Variants in COG5 observed in about 807,000 individuals in gnomAD.
COG5 encodes component of oligomeric golgi complex 5, also known as conserved oligomeric Golgi complex subunit 5.
A neutral mutation model predicts 110.4 loss-of-function variants in COG5; 86 were observed. The observed-to-expected ratio is 0.78, with a 90% CI of 0.65 to 0.93. The LOEUF (loss-of-function observed/expected upper bound fraction) is 0.93, where lower values mean the gene tolerates loss of function less well. Ranked by LOEUF, COG5 falls within the 40% of genes least tolerant of loss-of-function variation. The probability of loss-of-function intolerance (pLI) is 0.00; values close to 1 mark genes in which losing one functional copy is unlikely to be tolerated. For missense variants in COG5, 1,077 were observed against 987.0 expected, an observed-to-expected ratio of 1.09 and a Z score of -1.22; for synonymous variants, 360 against 334.6, an observed-to-expected ratio of 1.08 and a Z score of -0.83.
intron 14 of COG5, among the ~76,000 whole-genome samples, chr7:107,274,320 A>C (rs1199259565): frequency 1.3e-5 from 2 of 152,192 alleles, no homozygotes. Flanking sequence ...TTAAAAATTA[A>C]AATTAAAAAA....
intron 8 of COG5, among the ~76,000 whole-genome samples, chr7:107,366,705 G>A (rs1486952340): frequency 1.3e-5 from 2 of 152,032 alleles, no homozygotes; most frequent in African/African-American, 4.8e-5. Context: ...AACGTCTGAT[G>A]GTAGATGGGA....
intron 16 of COG5, among the ~76,000 whole-genome samples, chr7:107,251,425 A>G (rs904893842): frequency 9.2e-5 from 14 of 152,144 alleles, no homozygotes; most frequent in African/African-American, 3.4e-4. Context: ...ATCATTAAAA[A>G]TCATCATTTG....
rs556409569 is a variant in COG5 at position 107,283,258 on chromosome 7, T to C, written c.1475+313A>G. Among the ~76,000 whole-genome samples the C allele has an allele frequency of 2.6e-5, 4 of 152,334 alleles. No individual in the cohort carries two copies. The East Asian group carries it at 5.8e-4, about 22-fold the overall frequency. On this transcript the variant is annotated intron_variant, in intron 13 of 21. Transcript: ENST00000297135. ...TTTCTCAATTTATAAAATCGTTTAT[T>C]ATATTTGATTTCTTGTGTAACGTAA...
intron 10 of COG5, among the ~76,000 whole-genome samples, chr7:107,349,533 T>C (rs1470826369): frequency 2.7e-5 from 4 of 149,134 alleles, no homozygotes; most frequent in African/African-American, 1.0e-4. Context: ...CCAGAGTAGC[T>C]GGGACTACAG....
chr7:107,277,492 TTA>T (rs1351829181), intron 14 of COG5, among the ~76,000 whole-genome samples: 1 of 152,176 alleles, frequency 6.6e-6, no homozygotes, highest in Non-Finnish European at 1.5e-5. Flanking sequence ...CAAGCTTGTT[TTA>T]CAGTCTGGTC....
intron 13 of COG5, 56 bp from the exon 14 acceptor site, chr7:107,281,455 A>G (rs775012396): frequency 5.5e-6 from 7 of 1,271,006 alleles, no homozygotes; most frequent in South Asian, 2.4e-5. Flanking sequence ...TCAACAAAGT[A>G]AAGAGCAAGA....
At chr7:107,289,140 T>C (rs1028012989) in intron 12 of COG5, among the ~76,000 whole-genome samples, 1 of 151,560 alleles carries the variant, frequency 6.6e-6, no homozygotes, top group Non-Finnish European at 1.5e-5. Context: ...AGCCTTGTTT[T>C]ATATTTTTAA....
At chr7:107,476,966 T>G (rs1212277572) in intron 6 of COG5, among the ~76,000 whole-genome samples, 1 of 151,716 alleles carries the variant, frequency 6.6e-6, no homozygotes, top group Non-Finnish European at 1.5e-5. Flanking sequence ...CTTCTGATAA[T>G]AATGTTAACA....
At chr7:107,210,265 T>G in intron 21 of COG5, 1 of 1,334,736 alleles carries the variant, frequency 7.5e-7, no homozygotes, top group South Asian at 2.2e-5. Flanking sequence ...TACAAATGCA[T>G]GGTCCTTAGG....
chr7:107,530,814 T>C (rs954866676), intron 5 of COG5, among the ~76,000 whole-genome samples: 19 of 152,078 alleles, frequency 1.2e-4, no homozygotes, highest in African/African-American at 4.1e-4. Flanking sequence ...CTCCAATCAA[T>C]TTCCTTTCCC....
chr7:107,270,038 C>A (rs529112408), intron 14 of COG5, among the ~76,000 whole-genome samples: 22 of 152,334 alleles, frequency 1.4e-4, no homozygotes, highest in African/African-American at 5.3e-4. Flanking sequence ...AAGTCCAGAA[C>A]ACACAATGCT....
intron 6 of COG5, among the ~76,000 whole-genome samples, chr7:107,504,898 T>C (rs1017965185): frequency 6.6e-6 from 1 of 152,158 alleles, no homozygotes; most frequent in African/African-American, 2.4e-5. Context: ...TTTTCTTGGT[T>C]CATCTAGCTT....
chr7:107,419,796 G>A (rs1793147478), intron 6 of COG5, among the ~76,000 whole-genome samples: 1 of 152,126 alleles, frequency 6.6e-6, no homozygotes, highest in Non-Finnish European at 1.5e-5. Context: ...TCGAACTCCT[G>A]ACCTAAGGTG....
chr7:107,464,633 G>A (rs768781506), intron 6 of COG5, among the ~76,000 whole-genome samples: 3 of 152,098 alleles, frequency 2.0e-5, no homozygotes, highest in Non-Finnish European at 1.5e-5. Context: ...GTCAAAAATT[G>A]TTTAGGGTCT....
At chr7:107,508,600 C>G (rs1327460983) in intron 6 of COG5, among the ~76,000 whole-genome samples, 1 of 152,210 alleles carries the variant, frequency 6.6e-6, no homozygotes, top group African/African-American at 2.4e-5. Flanking sequence ...GGTCCGTGAC[C>G]CCCGAGCAGC....
At chr7:107,505,687 T>C (rs889999034) in intron 6 of COG5, among the ~76,000 whole-genome samples, 2 of 152,188 alleles carry the variant, frequency 1.3e-5, no homozygotes, top group Non-Finnish European at 2.9e-5. Flanking sequence ...ATGGCAACTG[T>C]ATTTCTCCTG....
chr7:107,517,174 C>T (rs1799980456), intron 6 of COG5, among the ~76,000 whole-genome samples: 1 of 151,904 alleles, frequency 6.6e-6, no homozygotes, highest in African/African-American at 2.4e-5. Flanking sequence ...TGACTTGATG[C>T]AGCTGAAAAA....
At chr7:107,239,253 C>T (rs1262723707) in intron 17 of COG5, among the ~76,000 whole-genome samples, 1 of 152,174 alleles carries the variant, frequency 6.6e-6, no homozygotes, top group Non-Finnish European at 1.5e-5. Context: ...CCTGGCACCT[C>T]TGTCGAAAAT....
intron 6 of COG5, among the ~76,000 whole-genome samples, chr7:107,507,167 T>C (rs1484551467): frequency 6.6e-6 from 1 of 152,246 alleles, no homozygotes; most frequent in Non-Finnish European, 1.5e-5. Flanking sequence ...CTCTGGGGAC[T>C]TACAGTTTTT....
Sources: allele counts gnomAD v4.1 joint callset (sites outside exome capture counted in the v4.1 genomes callset), GRCh38; gene constraint gnomAD v4.1.1; transcripts MANE v1.5; gene names NCBI Gene and HGNC (gene_info 2026-07-23, HGNC 2026-07-21).